Variants in PTPN1 observed in about 807,000 individuals in gnomAD.
The protein encoded by PTPN1 is tyrosine-protein phosphatase non-receptor type 1.
A neutral mutation model predicts 59.9 loss-of-function variants in PTPN1; 12 were observed. That is an observed-to-expected ratio of 0.20 (90% CI 0.13 to 0.32). PTPN1 has a LOEUF of 0.32. PTPN1 is among the 10% of genes least tolerant of loss of function. The pLI is 1.00. For missense variants in PTPN1, 356 were observed against 549.2 expected (o/e 0.65, Z 3.52); for synonymous variants, 178 against 203.6 (o/e 0.87, Z 1.07).
Position 50,563,578 on chromosome 20 carries a change from G to A in PTPN1, c.155-1391G>A, listed in dbSNP as rs573225816. Among the ~76,000 whole-genome samples, 9 of 152,284 alleles carry A rather than the reference G, an allele frequency of 5.9e-5. No homozygotes were observed. In the South Asian group the frequency reaches 1.9e-3, roughly 32 times the overall value. The stretch of plus-strand genomic sequence containing the variant: ...TGTGATCCACTTAAAAATTATCCAA[G>A]TATCTTTATTTGTACTAAGCCTCCA... On this transcript the variant is annotated intron_variant, in intron 2 of 9. Transcript: ENST00000371621.
intron 1 of PTPN1, among the ~76,000 whole-genome samples, chr20:50,530,982 GGA>G (rs2082598669): frequency 6.6e-6 from 1 of 152,106 alleles, no homozygotes; most frequent in African/African-American, 2.4e-5. Context: ...GGGATTACAG[GGA>G]CAAGCCACTG....
intron 1 of PTPN1, among the ~76,000 whole-genome samples, chr20:50,515,841 C>G (rs937099254): frequency 1.3e-5 from 2 of 152,166 alleles, no homozygotes; most frequent in Non-Finnish European, 2.9e-5. Flanking sequence ...CACATTAGTA[C>G]CAATAGTAGA....
At chr20:50,554,100 CAAAA>C (rs1038959144) in intron 1 of PTPN1, among the ~76,000 whole-genome samples, 13 of 152,112 alleles carry the variant, frequency 8.5e-5, no homozygotes, top group Non-Finnish European at 1.3e-4. Context: ...GCAAAATAAA[CAAAA>C]CCACAGTAGG....
intron 1 of PTPN1, among the ~76,000 whole-genome samples, chr20:50,528,639 G>A (rs536589466): frequency 6.6e-6 from 1 of 151,454 alleles, no homozygotes; most frequent in African/African-American, 2.4e-5. Flanking sequence ...ACTTGAACTG[G>A]GGAGGTGGAG....
intron 2 of PTPN1, among the ~76,000 whole-genome samples, chr20:50,564,332 C>T (rs1312361777): frequency 1.3e-5 from 2 of 152,210 alleles, no homozygotes; most frequent in Non-Finnish European, 2.9e-5. Flanking sequence ...GTGGCTCACA[C>T]TTGTAATCCC....
rs1463165372 is a variant in PTPN1 at position 50,584,004 on chromosome 20, C to G, written c.*1289C>G. 1 of 152,692 alleles carries G rather than the reference C, an allele frequency of 6.5e-6. No homozygotes were observed. The highest frequency in any genetic ancestry group is 2.4e-5 in the African/African-American group (1 of 41,470). The allele number at this position is 152,692 out of a possible 1,614,324, so 9.5% of individuals were successfully genotyped here. On this transcript the variant is annotated 3_prime_UTR_variant, in exon 10 of 10. Transcript: ENST00000371621. ...TCCTTTAGGCAGCCTGCCGCCGTCTCTGTCCCGGTTCACCTTGCCGAGAGA... is the reference window on the plus strand; with the variant it reads ...TCCTTTAGGCAGCCTGCCGCCGTCTGTGTCCCGGTTCACCTTGCCGAGAGA...
chr20:50,572,531 T>G (rs1376984978), intron 4 of PTPN1: 1 of 152,240 alleles, frequency 6.6e-6, no homozygotes, highest in Non-Finnish European at 1.5e-5. Flanking sequence ...GGTTTGGTTT[T>G]GAAAGTGAGT....
At chr20:50,576,113 G>A (rs939216531) in intron 5 of PTPN1, among the ~76,000 whole-genome samples, 1 of 152,210 alleles carries the variant, frequency 6.6e-6, no homozygotes, top group African/African-American at 2.4e-5. Flanking sequence ...CCCTGATGGG[G>A]CAGAGGGTTC....
chr20:50,578,073 A>G (rs541392175), intron 5 of PTPN1: 24 of 181,432 alleles, frequency 1.3e-4, no homozygotes, highest in Middle Eastern at 2.4e-3. Flanking sequence ...TTATGACAAG[A>G]TTTTATGGGT....
chr20:50,515,132 G>A (rs947394778), intron 1 of PTPN1, among the ~76,000 whole-genome samples: 1 of 152,182 alleles, frequency 6.6e-6, no homozygotes, highest in Non-Finnish European at 1.5e-5. Context: ...AACTACTTCT[G>A]ATTCTTTCAT....
rs763558512 is a variant in PTPN1 at position 50,579,258 on chromosome 20, G to C, written c.793G>C (p.Asp265His). The change falls in exon 7 of 10, where the codon GAC (aspartate) becomes CAC (histidine). Residue 265 changes from aspartate (D) to histidine (H), a missense_variant. Physicochemically the swap from Asp to His is moderately conservative, Grantham distance 81. Coordinates refer to ENST00000371621, the MANE Select transcript of PTPN1 (RefSeq NM_002827.4). ...KFRMGLIQTA[D>H]QLRFSYLAVI... ...TCGGATGGGGCTGATCCAGACAGCC[G>C]ACCAGCTGCGCTTCTCCTACCTGGC... 22 of 1,614,086 alleles carry C rather than the reference G, an allele frequency of 1.4e-5. No homozygotes were observed. The highest frequency in any genetic ancestry group is 1.6e-5 in the Non-Finnish European group (19 of 1,180,040).
chr20:50,575,530 C>A (rs1256072606), intron 5 of PTPN1, among the ~76,000 whole-genome samples: 1 of 152,200 alleles, frequency 6.6e-6, no homozygotes, highest in Non-Finnish European at 1.5e-5. Context: ...AGTGGGGCTC[C>A]AGGGCTGTGT....
At chr20:50,549,222 C>A (rs745346906) in intron 1 of PTPN1, among the ~76,000 whole-genome samples, 199 of 152,208 alleles carry the variant, frequency 1.3e-3, no homozygotes, top group Non-Finnish European at 2.3e-3. Flanking sequence ...CTAGCTGTGC[C>A]TTTATGGTTT....
At chr20:50,521,512 A>G (rs2426157) in intron 1 of PTPN1, among the ~76,000 whole-genome samples, 38,155 of 152,172 alleles carry the variant, frequency 0.25, 4,830 homozygotes, top group Admixed American at 0.33. Context: ...GCACTATGGC[A>G]GTGTGGCCAC....
intron 2 of PTPN1, among the ~76,000 whole-genome samples, chr20:50,564,157 A>C (rs986686715): frequency 4.6e-5 from 7 of 152,102 alleles, no homozygotes; most frequent in Non-Finnish European, 1.0e-4. Flanking sequence ...AAACCACTGG[A>C]TAGAGGTTAG....
At chr20:50,514,745 A>G (rs764866482) in intron 1 of PTPN1, among the ~76,000 whole-genome samples, 11 of 152,224 alleles carry the variant, frequency 7.2e-5, no homozygotes, top group Non-Finnish European at 1.0e-4. Flanking sequence ...TCTGGTAACA[A>G]CTAATACTGG....
chr20:50,516,977 G>A (rs541041587), intron 1 of PTPN1, among the ~76,000 whole-genome samples: 1 of 152,348 alleles, frequency 6.6e-6, no homozygotes, highest in Admixed American at 6.5e-5. Flanking sequence ...TTTACTTTGT[G>A]TAGAAATGGT....
chr20:50,561,440 A>G lies in PTPN1; in HGVS notation c.141A>G (p.Arg47=). Residue 47 remains arginine, a synonymous_variant, in exon 2 of 10, where the codon AGA becomes AGG. Transcript: ENST00000371621. ...LPKNKNRNRY[R]DVSPFDHSRI... Reference sequence around the variant, plus strand: ...AGAACAAAAACCGAAATAGGTACAGAGACGTCAGTCCCTGTAAGTATCCAC... The same window carrying G: ...AGAACAAAAACCGAAATAGGTACAGGGACGTCAGTCCCTGTAAGTATCCAC... The G allele has an allele frequency of 6.2e-7, 1 of 1,607,486 alleles. No individual in the cohort carries two copies.
chr20:50,524,445 T>C (rs1337042584), intron 1 of PTPN1, among the ~76,000 whole-genome samples: 1 of 151,602 alleles, frequency 6.6e-6, no homozygotes. Context: ...TAGGAATATA[T>C]TGAAAACATG....
Sources: gnomAD v4.1 joint callset for allele counts (sites outside exome capture counted in the v4.1 genomes callset) on GRCh38, gnomAD v4.1.1 for gene constraint, MANE v1.5 for transcripts, NCBI Gene and HGNC (gene_info 2026-07-23, HGNC 2026-07-21) for gene names.